The following TSGA10 variants were observed in gnomAD, a reference collection of about 807,000 sequenced individuals.
TSGA10 encodes the protein testis-specific gene 10 protein.
Under a neutral mutation model 96.6 loss-of-function variants are expected in TSGA10, and 43 were observed. That is an observed-to-expected ratio of 0.44 (90% CI 0.35 to 0.57). TSGA10 has a LOEUF of 0.57. TSGA10 is among the 20% of genes least tolerant of loss of function. The pLI is 0.01. For missense variants in TSGA10, 703 were observed against 834.4 expected (o/e 0.84, Z 1.94); for synonymous variants, 229 against 269.9 (o/e 0.85, Z 1.48).
intron 16 of TSGA10, among the ~76,000 whole-genome samples, chr2:99,046,037 T>C (rs2082737573): frequency 6.6e-6 from 1 of 152,148 alleles, no homozygotes; most frequent in African/African-American, 2.4e-5. Context: ...CCTAAATATA[T>C]ATGTACCCAA....
At chr2:99,118,473 A>G (rs1422173405) in intron 3 of TSGA10, 78 bp downstream of exon 3, 16 of 497,816 alleles carry the variant, frequency 3.2e-5, no homozygotes, top group Non-Finnish European at 3.9e-5. Context: ...AAAAAAGTAT[A>G]TATACATATA....
chr2:99,042,576 G>A (rs1343387565), intron 16 of TSGA10, among the ~76,000 whole-genome samples: 1 of 152,176 alleles, frequency 6.6e-6, no homozygotes. Flanking sequence ...TGGAACAGGA[G>A]CAGATCTCTT....
At chr2:99,143,591 C>T (rs1234836868) in intron 1 of TSGA10, among the ~76,000 whole-genome samples, 15 of 152,054 alleles carry the variant, frequency 9.9e-5, no homozygotes, top group Admixed American at 4.6e-4. Flanking sequence ...CTGCCTTAGC[C>T]CCTTGAGTAG....
At chr2:99,078,553 G>C in intron 12 of TSGA10, 106 bp downstream of exon 12, 1 of 1,185,592 alleles carries the variant, frequency 8.4e-7, no homozygotes, top group Non-Finnish European at 1.1e-6. Context: ...AAAAACATTT[G>C]AGAAAATTCA....
intron 16 of TSGA10, among the ~76,000 whole-genome samples, chr2:99,055,942 G>A (rs532340680): frequency 2.0e-5 from 3 of 151,388 alleles, no homozygotes; most frequent in Non-Finnish European, 2.9e-5. Flanking sequence ...GGTGGCTCAC[G>A]CCTGTAATCC....
In TSGA10 at chr2:99,035,657, T is replaced by A. The variant is rs191077290; in HGVS notation, c.1405-218A>T. Among the ~76,000 whole-genome samples, 9 of 150,994 alleles carry A rather than the reference T, an allele frequency of 6.0e-5. No homozygotes were observed. In the East Asian group the frequency reaches 1.5e-3, roughly 26 times the overall value. ...TACATAAAATTCATGAGCAGGATGG[T>A]CAACTGGTCATTCTTTTTAATGTAC... On this transcript the variant is annotated intron_variant, in intron 16 of 20. Coordinates refer to ENST00000393483, the MANE Select transcript of TSGA10 (RefSeq NM_025244.4).
chr2:99,031,435 A>G (rs1411630489), intron 17 of TSGA10, among the ~76,000 whole-genome samples: 1 of 152,072 alleles, frequency 6.6e-6, no homozygotes, highest in Non-Finnish European at 1.5e-5. Context: ...TGAGATTTAG[A>G]GCTATAGCAA....
In TSGA10 at chr2:99,103,273, T is replaced by C. The variant is rs1042966769; in HGVS notation, c.611+694A>G. 2.6e-5 allele frequency among the ~76,000 whole-genome samples: 4 copies of C among 152,258 alleles called. No individual in the cohort carries two copies. The East Asian group carries it at 7.7e-4, about 29-fold the overall frequency. The stretch of plus-strand genomic sequence containing the variant: ...TTGCCGCACAGATCAACCCGTCACC[T>C]AGATATTAAGCTATTACTATTTTTC... On this transcript the variant is annotated intron_variant, in intron 10 of 20. Transcript: ENST00000393483.
intron 2 of TSGA10, among the ~76,000 whole-genome samples, chr2:99,120,170 G>C (rs1216875172): frequency 6.6e-6 from 1 of 151,940 alleles, no homozygotes; most frequent in Non-Finnish European, 1.5e-5. Context: ...ACTTGTTTCT[G>C]CATCATTTAT....
At chr2:99,095,456 A>G (rs1057093403) in intron 10 of TSGA10, among the ~76,000 whole-genome samples, 7 of 152,188 alleles carry the variant, frequency 4.6e-5, no homozygotes, top group Admixed American at 4.6e-4. Flanking sequence ...TAAAGATTGT[A>G]CTATTAATAC....
intron 18 of TSGA10, among the ~76,000 whole-genome samples, chr2:99,019,717 A>G (rs2079845005): frequency 6.6e-6 from 1 of 152,212 alleles, no homozygotes; most frequent in Admixed American, 6.5e-5. Context: ...TTTAATAGAA[A>G]AAAAATTCAC....
chr2:99,126,630 A>ATT (rs1310722736), intron 2 of TSGA10: 1 of 156,568 alleles, frequency 6.4e-6, no homozygotes, highest in African/African-American at 2.4e-5. Context: ...GCATCAGGAG[A>ATT]ACAGGAACAA....
At chr2:99,057,641 A>G (rs2084160216) in intron 16 of TSGA10, among the ~76,000 whole-genome samples, 1 of 152,162 alleles carries the variant, frequency 6.6e-6, no homozygotes, top group East Asian at 1.9e-4. Flanking sequence ...TGGATCAGAA[A>G]ACTTAATATT....
At chr2:99,036,442 C>T (rs1169476022) in intron 16 of TSGA10, among the ~76,000 whole-genome samples, 1 of 152,052 alleles carries the variant, frequency 6.6e-6, no homozygotes, top group Non-Finnish European at 1.5e-5. Flanking sequence ...TCTAATGAAA[C>T]ATCCAGACTA....
intron 10 of TSGA10, among the ~76,000 whole-genome samples, chr2:99,081,766 T>G (rs1006666448): frequency 6.6e-6 from 1 of 152,168 alleles, no homozygotes; most frequent in Admixed American, 6.5e-5. Context: ...CATAGAGATG[T>G]CTGCAACACA....
At chr2:99,127,631 G>T (rs1002770517) in intron 1 of TSGA10, among the ~76,000 whole-genome samples, 3 of 152,132 alleles carry the variant, frequency 2.0e-5, no homozygotes, top group Non-Finnish European at 4.4e-5. Context: ...TAGAAAAATT[G>T]GCAAAGAATG....
At chr2:99,000,020 T>C (rs1364105769) in intron 20 of TSGA10, among the ~76,000 whole-genome samples, 1 of 152,176 alleles carries the variant, frequency 6.6e-6, no homozygotes, top group Non-Finnish European at 1.5e-5. Context: ...TCTCCCAAAG[T>C]GCTAGGATTA....
intron 17 of TSGA10, among the ~76,000 whole-genome samples, chr2:99,026,048 T>C (rs1051792461): frequency 2.6e-5 from 4 of 152,230 alleles, no homozygotes; most frequent in Non-Finnish European, 5.9e-5. Flanking sequence ...TTGAGAAGAC[T>C]ATGTATTCTA....
chr2:99,105,326 C>T, intron 9 of TSGA10, 33 bp downstream of exon 9: 1 of 1,549,322 alleles, frequency 6.5e-7, no homozygotes, highest in Non-Finnish European at 8.7e-7. Context: ...GTGTTTATAG[C>T]CAAAAGAGAC....
Sources: gnomAD v4.1 joint callset for allele counts (sites outside exome capture counted in the v4.1 genomes callset) on GRCh38, gnomAD v4.1.1 for gene constraint, MANE v1.5 for transcripts, NCBI Gene and HGNC (gene_info 2026-07-23, HGNC 2026-07-21) for gene names.